FBXO17: variants seen among roughly 807,000 people sequenced by gnomAD.
The protein encoded by FBXO17 is F-box protein 17, also known as F-box only protein 17.
A neutral mutation model predicts 34.1 loss-of-function variants in FBXO17; 43 were observed. The observed-to-expected ratio is 1.26, with a 90% confidence interval of 0.99 to 1.62. FBXO17 has a LOEUF of 1.62. Among genes scored for constraint, FBXO17 ranks in the 40% most tolerant of loss-of-function variants. The pLI, the probability that FBXO17 is intolerant of heterozygous loss-of-function variation, is 0.00. For missense variants in FBXO17, 424 were observed against 386.7 expected, an observed-to-expected ratio of 1.10 and a Z score of -0.81; for synonymous variants, 169 against 166.0, an observed-to-expected ratio of 1.02 and a Z score of -0.14.
chr19:38,944,071 A>G (rs1392829857), intron 5 of FBXO17, among the ~76,000 whole-genome samples: 1 of 152,074 alleles, frequency 6.6e-6, no homozygotes, highest in East Asian at 1.9e-4. Flanking sequence ...TGTACATTTC[A>G]TATATGTGGA....
At chr19:38,965,355 GTC>G (rs1199529516) in intron 1 of FBXO17, among the ~76,000 whole-genome samples, 1 of 149,862 alleles carries the variant, frequency 6.7e-6, no homozygotes, top group Non-Finnish European at 1.5e-5. Context: ...TTGAGATGGA[GTC>G]TCTCTCTGTC....
intron 1 of FBXO17, chr19:38,952,869 T>A (rs1412005298): frequency 2.2e-6 from 1 of 456,306 alleles, no homozygotes; most frequent in Non-Finnish European, 4.4e-6. Flanking sequence ...TCCACCTCAT[T>A]CCCTCCAGTG....
At chr19:38,951,682 ACT>A (rs1218898531) in intron 1 of FBXO17, among the ~76,000 whole-genome samples, 4 of 125,916 alleles carry the variant, frequency 3.2e-5, no homozygotes, top group Middle Eastern at 0.01. Flanking sequence ...AGGCAGCCTC[ACT>A]CTGTCACCCA....
intron 1 of FBXO17, among the ~76,000 whole-genome samples, chr19:38,962,931 C>T (rs1007005575): frequency 3.4e-4 from 51 of 152,068 alleles, no homozygotes; most frequent in African/African-American, 1.2e-3. Context: ...AGGATGGTCT[C>T]GATCTCTTGA....
rs80291723 is a variant in FBXO17 at position 38,952,922 on chromosome 19, C to T, written c.-17-2586G>A. ...TTCCAACCCACTGTGATCTCCCATC[C>T]GTTGTCCCTTTCATATTTTACTCCC... On this transcript the variant is annotated intron_variant, in intron 1 of 5. Coordinates refer to ENST00000292852, the MANE Select transcript of FBXO17 (RefSeq NM_024907.7). 3.5e-3 allele frequency: 1,544 copies of T among 441,910 alleles called. 16 individuals are homozygous for T. Among genetic ancestry groups the T allele is most frequent in the African/African-American group, 0.025 (1,259 of 49,914 alleles). 27.4% of individuals were successfully genotyped at this position (441,910 alleles called of 1,614,324 possible). A position where few individuals can be genotyped will look rare whatever the true frequency, so the allele number is the denominator to read the frequency against.
intron 2 of FBXO17, among the ~76,000 whole-genome samples, chr19:38,949,388 C>T (rs1406704075): frequency 6.6e-6 from 1 of 152,144 alleles, no homozygotes; most frequent in African/African-American, 2.4e-5. Context: ...GCGTGAGCCA[C>T]TGCGCCTGGA....
At chr19:38,946,244 C>CCTGGGATGGT (rs1974981157) in intron 4 of FBXO17, 1 of 699,838 alleles carries the variant, frequency 1.4e-6, no homozygotes, top group Non-Finnish European at 2.3e-6. Context: ...CTGTGGACCA[C>CCTGGGATGGT]CCCAGCCTGC....
chr19:38,950,899 C>G (rs1184088461), intron 1 of FBXO17, among the ~76,000 whole-genome samples: 2 of 152,136 alleles, frequency 1.3e-5, no homozygotes, highest in Non-Finnish European at 2.9e-5. Flanking sequence ...TCAAGCGATT[C>G]TCCTGCCTCA....
At chr19:38,958,557 C>A (rs1362953115) in intron 1 of FBXO17, among the ~76,000 whole-genome samples, 1 of 152,092 alleles carries the variant, frequency 6.6e-6, no homozygotes, top group Non-Finnish European at 1.5e-5. Context: ...AGATTGAATG[C>A]CAACTACTAG....
intron 3 of FBXO17, among the ~76,000 whole-genome samples, chr19:38,947,818 C>T (rs189453254): frequency 6.6e-6 from 1 of 152,066 alleles, no homozygotes; most frequent in East Asian, 1.9e-4. Flanking sequence ...CCCACTTCGG[C>T]CTCCCAAAGT....
chr19:38,959,006 G>A (rs893076927), intron 1 of FBXO17, among the ~76,000 whole-genome samples: 3 of 152,098 alleles, frequency 2.0e-5, no homozygotes, highest in East Asian at 1.9e-4. Context: ...GGGCTCAAGC[G>A]ATCCTCCCAA....
At chr19:38,965,770 G>A (rs1258035889) in intron 1 of FBXO17, among the ~76,000 whole-genome samples, 2 of 151,720 alleles carry the variant, frequency 1.3e-5, no homozygotes, top group Non-Finnish European at 2.9e-5. Context: ...GCCTCCCAAA[G>A]TGCTGGGATT....
chr19:38,972,009 C>G (rs1346916936), intron 1 of FBXO17, among the ~76,000 whole-genome samples: 1 of 152,124 alleles, frequency 6.6e-6, no homozygotes, highest in African/African-American at 2.4e-5. Flanking sequence ...CATGGGGAAA[C>G]TGAGGCTTGG....
Position 38,950,097 on chromosome 19 carries a change from A to G in FBXO17, c.223T>C (p.Tyr75His), listed in dbSNP as rs1191184004. Reference sequence around the variant, plus strand: ...GGCAGGCAGCGTTGAGCCACTGCGTAGAGTGCGCGGCCCTCGGCGCTGCGG... The same window carrying G: ...GGCAGGCAGCGTTGAGCCACTGCGTGGAGTGCGCGGCCCTCGGCGCTGCGG... The part of the protein sequence containing the change: ...RDRSAEGRAL[Y>H]AVAQRCLPSN... The change falls in exon 2 of 6, where the codon TAC becomes CAC. Residue 75 changes from tyrosine to histidine, a missense_variant. Physicochemically the swap from Tyr to His is moderately conservative, Grantham distance 83. Transcript: ENST00000292852. 6.4e-7 allele frequency: 1 copy of G among 1,565,338 alleles called. No individual in the cohort carries two copies. The highest frequency in any genetic ancestry group is 8.6e-7 in the Non-Finnish European group (1 of 1,157,402).
At chr19:38,946,287 G>T in intron 4 of FBXO17, 185 bp downstream of exon 4, 2 of 1,028,882 alleles carry the variant, frequency 1.9e-6, no homozygotes, top group Non-Finnish European at 2.8e-6. Flanking sequence ...GCAGAGTGGG[G>T]GCTCTGGCTT....
chr19:38,943,262 A>G (rs1974920730), intron 5 of FBXO17, among the ~76,000 whole-genome samples: 1 of 151,842 alleles, frequency 6.6e-6, no homozygotes, highest in African/African-American at 2.4e-5. Context: ...ATTTTCGTAA[A>G]ACAAACTTTT....
chr19:38,946,553 C>T lies in FBXO17; in HGVS notation c.476G>A (p.Arg159Lys), dbSNP rs368229466. 6.2e-7 allele frequency: 1 copy of T among 1,613,910 alleles called. No individual in the cohort carries two copies. The highest frequency in any genetic ancestry group is 1.3e-5 in the African/African-American group (1 of 74,916). Residue 159 changes from arginine (R) to lysine (K), a missense_variant, in exon 4 of 6, where the codon AGG (arginine) becomes AAG (lysine). Coordinates refer to ENST00000292852, the MANE Select transcript of FBXO17 (RefSeq NM_024907.7). ...TTCCATCACCAGGTCCACAAGCTGCCTCTTGGAGCACCATCTGGGAAGGAG... is the reference window on the plus strand; with the variant it reads ...TTCCATCACCAGGTCCACAAGCTGCTTCTTGGAGCACCATCTGGGAAGGAG... ...FVTSFEWCSK[R>K]QLVDLVMEGV... is the part of the protein sequence containing the mutation.
chr19:38,947,696 T>C (rs545494413), intron 3 of FBXO17, among the ~76,000 whole-genome samples: 1 of 152,108 alleles, frequency 6.6e-6, no homozygotes, highest in African/African-American at 2.4e-5. Context: ...GAGAACAGAT[T>C]CTCATTTTTT....
intron 3 of FBXO17, among the ~76,000 whole-genome samples, chr19:38,947,632 C>T (rs774081965): frequency 2.6e-4 from 40 of 152,046 alleles, no homozygotes; most frequent in Non-Finnish European, 4.3e-4. Context: ...CAGGGACAGA[C>T]GTAGGTATAC....
Sources: allele counts gnomAD v4.1 joint callset (sites outside exome capture counted in the v4.1 genomes callset), GRCh38; gene constraint gnomAD v4.1.1; transcripts MANE v1.5; gene names NCBI Gene and HGNC (gene_info 2026-07-23, HGNC 2026-07-21).